Variants in HTR2C observed in about 807,000 individuals in gnomAD.
The protein encoded by HTR2C is 5-hydroxytryptamine receptor 2C.
HTR2C carries 5 observed loss-of-function variants against 21.0 expected under a neutral mutation model. That is an observed-to-expected ratio of 0.24 (90% CI 0.12 to 0.50). The LOEUF (loss-of-function observed/expected upper bound fraction) is 0.50, where lower values mean the gene tolerates loss of function less well. Ranked by LOEUF, HTR2C falls within the 20% of genes least tolerant of loss-of-function variation. The pLI is 0.98. For synonymous variants in HTR2C, 150 were observed against 145.3 expected (o/e 1.03, Z -0.23); for missense variants, 271 against 371.2 (o/e 0.73, Z 2.22).
intron 4 of HTR2C, among the ~76,000 whole-genome samples, chrX:114,771,316 C>G (rs1188092729): frequency 9.0e-6 from 1 of 111,012 alleles, no homozygotes; most frequent in Admixed American, 9.6e-5. Flanking sequence ...GCTATTTTCT[C>G]TGGTAGCATT....
At chrX:114,801,015 AT>A (rs1276347417) in intron 4 of HTR2C, among the ~76,000 whole-genome samples, 7 of 111,425 alleles carry the variant, frequency 6.3e-5, no homozygotes, top group Non-Finnish European at 1.3e-4. Context: ...TAGAGAGCCC[AT>A]TAATAGGAAA....
chrX:114,726,008 G>T (rs1435412290), intron 2 of HTR2C, among the ~76,000 whole-genome samples: 3 of 111,157 alleles, frequency 2.7e-5, no homozygotes, highest in Non-Finnish European at 3.8e-5. Context: ...GCCTACAGAG[G>T]CAGGCAGGCC....
intron 4 of HTR2C, among the ~76,000 whole-genome samples, chrX:114,829,591 G>C: frequency 9.0e-6 from 1 of 111,469 alleles, no homozygotes; most frequent in Non-Finnish European, 1.9e-5. Flanking sequence ...CCTTTTCTAA[G>C]TGTTTTGTAC....
At chrX:114,887,308 G>A (rs1440556382) in intron 5 of HTR2C, among the ~76,000 whole-genome samples, 2 of 110,963 alleles carry the variant, frequency 1.8e-5, no homozygotes, top group Non-Finnish European at 3.8e-5. Flanking sequence ...CTCTCTTCAC[G>A]GCCTTTCCTG....
At chrX:114,702,970 T>C (rs1556417143) in intron 2 of HTR2C, among the ~76,000 whole-genome samples, 1 of 74,395 alleles carries the variant, frequency 1.3e-5, no homozygotes, top group Non-Finnish European at 2.7e-5. Flanking sequence ...AGAAGGCCAT[T>C]ACATAACGGT....
At chrX:114,780,749 G>A (rs906215526) in intron 4 of HTR2C, among the ~76,000 whole-genome samples, 1 of 111,691 alleles carries the variant, frequency 9.0e-6, no homozygotes, top group African/African-American at 3.3e-5. Context: ...AGAAGCAAAT[G>A]CAAATATTCT....
chrX:114,729,165 C>T (rs1200213878), intron 3 of HTR2C, among the ~76,000 whole-genome samples: 1 of 111,666 alleles, frequency 9.0e-6, no homozygotes, highest in Non-Finnish European at 1.9e-5. Context: ...CACACATAGA[C>T]GTCGTCTCAA....
chrX:114,884,102 G>A (rs2071202794), intron 5 of HTR2C, among the ~76,000 whole-genome samples: 1 of 110,952 alleles, frequency 9.0e-6, no homozygotes, highest in Non-Finnish European at 1.9e-5. Flanking sequence ...CAAATGACAG[G>A]ATTTCCTTCT....
At chrX:114,779,478 G>A (rs1376395252) in intron 4 of HTR2C, among the ~76,000 whole-genome samples, 7 of 111,353 alleles carry the variant, frequency 6.3e-5, no homozygotes, top group African/African-American at 2.3e-4. Context: ...ATATAGGTTG[G>A]TGCAAAAGTC....
chrX:114,769,618 A>G (rs2069980057), intron 4 of HTR2C, among the ~76,000 whole-genome samples: 1 of 111,403 alleles, frequency 9.0e-6, no homozygotes, highest in Non-Finnish European at 1.9e-5. Flanking sequence ...TATAATATGC[A>G]TCTTAATTTG....
chrX:114,881,500 G>GTT (rs368147826), intron 5 of HTR2C, among the ~76,000 whole-genome samples: 3 of 101,476 alleles, frequency 3.0e-5, no homozygotes, highest in African/African-American at 1.1e-4. Context: ...TATTTTGAGG[G>GTT]TTTTTTTTTT....
At chrX:114,752,436 G>A (rs1328966336) in intron 4 of HTR2C, among the ~76,000 whole-genome samples, 4 of 110,692 alleles carry the variant, frequency 3.6e-5, no homozygotes, top group African/African-American at 1.3e-4. Flanking sequence ...ATGTTCTCCA[G>A]GTACCTTTTG....
At chrX:114,703,416 C>T (rs1932628415) in intron 2 of HTR2C, among the ~76,000 whole-genome samples, 1 of 111,261 alleles carries the variant, frequency 9.0e-6, no homozygotes, top group African/African-American at 3.3e-5. Flanking sequence ...TCACTCAAAA[C>T]CACTCAACTA....
intron 2 of HTR2C, among the ~76,000 whole-genome samples, chrX:114,724,267 G>C (rs1268992519): frequency 2.1e-5 from 2 of 95,831 alleles, no homozygotes; most frequent in African/African-American, 7.4e-5. Context: ...TTACCATTAA[G>C]TAATGGCCTT....
intron 2 of HTR2C, among the ~76,000 whole-genome samples, chrX:114,712,955 CTG>C (rs1932913476): frequency 8.9e-6 from 1 of 111,784 alleles, no homozygotes; most frequent in Non-Finnish European, 1.9e-5. Context: ...TTTTTAAAAA[CTG>C]GACTGGTGAT....
At chrX:114,883,273 T>TATCC (rs1471451669) in intron 5 of HTR2C, among the ~76,000 whole-genome samples, 94 of 110,915 alleles carry the variant, frequency 8.5e-4, no homozygotes, top group African/African-American at 2.7e-3. Context: ...TCTACCTATC[T>TATCC]ATCCATCCAT....
At chrX:114,719,050 T>C (rs1317482656) in intron 2 of HTR2C, among the ~76,000 whole-genome samples, 1 of 103,387 alleles carries the variant, frequency 9.7e-6, no homozygotes, top group African/African-American at 3.4e-5. Flanking sequence ...ATATTAATAA[T>C]ATAATTATAA....
intron 2 of HTR2C, among the ~76,000 whole-genome samples, chrX:114,698,472 ACAAACAC>A (rs1932354665): frequency 0.091 from 1,182 of 13,042 alleles, 4 homozygotes; most frequent in South Asian, 0.17. Context: ...ACACACACAC[ACAAACAC>A]GCACACACAC....
chrX:114,819,357 A>G (rs2070611706), intron 4 of HTR2C, among the ~76,000 whole-genome samples: 1 of 111,985 alleles, frequency 8.9e-6, no homozygotes, highest in Non-Finnish European at 1.9e-5. Flanking sequence ...AAAAGGAGAG[A>G]AAAAAATTTA....
Sources: gnomAD v4.1 joint callset for allele counts (sites outside exome capture counted in the v4.1 genomes callset) on GRCh38, gnomAD v4.1.1 for gene constraint, MANE v1.5 for transcripts, NCBI Gene and HGNC (gene_info 2026-07-23, HGNC 2026-07-21) for gene names.